MTUS2: variants seen among roughly 807,000 people sequenced by gnomAD.
The protein encoded by MTUS2 is microtubule-associated tumor suppressor candidate 2.
In MTUS2, 40 loss-of-function variants were observed where a neutral mutation model predicts 114.1. The ratio of observed to expected loss-of-function variants is 0.35; its 90% CI spans 0.27 to 0.46. The LOEUF (loss-of-function observed/expected upper bound fraction) is 0.46, where lower values mean the gene tolerates loss of function less well. Ranked by LOEUF, MTUS2 falls within the 20% of genes least tolerant of loss-of-function variation. MTUS2 has a pLI of 1.00. For synonymous variants in MTUS2, 688 were observed against 672.0 expected, an observed-to-expected ratio of 1.02 and a Z score of -0.37; for missense variants, 1,679 against 1,705.4, an observed-to-expected ratio of 0.98 and a Z score of 0.27.
At chr13:29,209,537 T>C (rs1236863645) in intron 5 of MTUS2, among the ~76,000 whole-genome samples, 1 of 152,120 alleles carries the variant, frequency 6.6e-6, no homozygotes, top group African/African-American at 2.4e-5. Flanking sequence ...CTGTGAGTTT[T>C]ATGCTTTAAG....
intron 5 of MTUS2, among the ~76,000 whole-genome samples, chr13:29,127,539 G>T (rs1033511945): frequency 1.1e-4 from 17 of 152,152 alleles, no homozygotes; most frequent in Admixed American, 1.0e-3. Flanking sequence ...CCTCAAGACT[G>T]CAACATCAGC....
chr13:29,056,797 C>T (rs1474755888), intron 4 of MTUS2, among the ~76,000 whole-genome samples: 2 of 151,964 alleles, frequency 1.3e-5, no homozygotes, highest in South Asian at 2.1e-4. Context: ...ATGTTTTACA[C>T]ATCTCAGTTT....
intron 2 of MTUS2, among the ~76,000 whole-genome samples, chr13:28,841,356 G>C (rs1261577402): frequency 1.3e-5 from 2 of 152,204 alleles, no homozygotes; most frequent in African/African-American, 4.8e-5. Flanking sequence ...AAAAGTCATA[G>C]GGTAAGTAGG....
intron 5 of MTUS2, among the ~76,000 whole-genome samples, chr13:29,192,704 A>G (rs925411983): frequency 2.0e-5 from 3 of 152,230 alleles, no homozygotes; most frequent in Non-Finnish European, 4.4e-5. Flanking sequence ...AAAAAAACTT[A>G]TGATTCGCCT....
chr13:29,158,333 C>T (rs1338072279), intron 5 of MTUS2, among the ~76,000 whole-genome samples: 1 of 125,618 alleles, frequency 8.0e-6, no homozygotes, highest in East Asian at 2.7e-4. Flanking sequence ...CCCCGCCCCC[C>T]ACCCCCCAAC....
intron 5 of MTUS2, among the ~76,000 whole-genome samples, chr13:29,111,817 G>C (rs9634353): frequency 0.31 from 46,486 of 151,954 alleles, 7,359 homozygotes; most frequent in East Asian, 0.56. Flanking sequence ...GGTTATGTCA[G>C]AGGGTTTTTT....
chr13:28,981,805 C>A (rs536535332), intron 2 of MTUS2, among the ~76,000 whole-genome samples: 1 of 152,270 alleles, frequency 6.6e-6, no homozygotes, highest in Non-Finnish European at 1.5e-5. Flanking sequence ...CTTCATCTGG[C>A]CTGTTTTAGG....
At chr13:29,438,804 A>G (rs911704710) in intron 8 of MTUS2, among the ~76,000 whole-genome samples, 2 of 152,200 alleles carry the variant, frequency 1.3e-5, no homozygotes, top group African/African-American at 4.8e-5. Context: ...GTATTATGAA[A>G]TAGAGTTTTA....
chr13:28,911,194 T>C lies in MTUS2; in HGVS notation c.-243+71344T>C, dbSNP rs1360185692. Among the ~76,000 whole-genome samples the C allele has an allele frequency of 3.6e-5, 4 of 111,872 alleles. No homozygotes were observed. In the Admixed American group the frequency reaches 3.8e-4, roughly 11 times the overall value. 73.4% of individuals were successfully genotyped at this position (111,872 alleles called of 152,430 possible). ...CCTGCTTTTTTTTTTTTTTTTTTTT[T>C]CAGATGGAGTCCTGCTCTGTCACCA... is the stretch of plus-strand genomic sequence containing the variant. On this transcript the variant is annotated intron_variant, in intron 2 of 15. Coordinates refer to ENST00000612955, the MANE Select transcript of MTUS2 (RefSeq NM_001033602.4).
intron 2 of MTUS2, among the ~76,000 whole-genome samples, chr13:29,019,404 G>A (rs529286104): frequency 6.6e-6 from 1 of 152,314 alleles, no homozygotes; most frequent in African/African-American, 2.4e-5. Context: ...GAATGATAAT[G>A]TAGAAGGAAC....
At chr13:28,929,095 A>G (rs1881479817) in intron 2 of MTUS2, among the ~76,000 whole-genome samples, 1 of 151,838 alleles carries the variant, frequency 6.6e-6, no homozygotes, top group South Asian at 2.1e-4. Flanking sequence ...TCTCCCTCAT[A>G]CGTCAAAACC....
At chr13:29,087,463 G>A (rs1222246697) in intron 4 of MTUS2, among the ~76,000 whole-genome samples, 1 of 152,136 alleles carries the variant, frequency 6.6e-6, no homozygotes, top group Non-Finnish European at 1.5e-5. Context: ...ACTTGATTGT[G>A]GTGGATTAGC....
chr13:29,206,034 A>G (rs867978660), intron 5 of MTUS2, among the ~76,000 whole-genome samples: 1 of 152,310 alleles, frequency 6.6e-6, no homozygotes, highest in African/African-American at 2.4e-5. Flanking sequence ...TCAGCAATAT[A>G]CAAGTGTTCC....
intron 5 of MTUS2, among the ~76,000 whole-genome samples, chr13:29,245,192 CA>C (rs752183006): frequency 1.3e-5 from 2 of 151,978 alleles, no homozygotes; most frequent in Admixed American, 6.6e-5. Context: ...AGATGTTAAG[CA>C]ATGAGACTCA....
chr13:29,405,169 T>G (rs1469334122), intron 8 of MTUS2, among the ~76,000 whole-genome samples: 1 of 152,240 alleles, frequency 6.6e-6, no homozygotes, highest in East Asian at 1.9e-4. Flanking sequence ...CCTGTTCTTC[T>G]TGACACTGAG....
At chr13:29,032,082 T>A (rs924916865) in intron 3 of MTUS2, among the ~76,000 whole-genome samples, 2 of 152,148 alleles carry the variant, frequency 1.3e-5, no homozygotes, top group Non-Finnish European at 2.9e-5. Context: ...CTGTGCAGCA[T>A]CACCTGCTGT....
intron 5 of MTUS2, among the ~76,000 whole-genome samples, chr13:29,137,215 C>A (rs984490837): frequency 1.3e-5 from 2 of 152,154 alleles, no homozygotes; most frequent in Non-Finnish European, 2.9e-5. Context: ...GATGTGAAAT[C>A]TGCTGATAAT....
At chr13:29,396,322 A>C (rs149720806) in intron 8 of MTUS2, among the ~76,000 whole-genome samples, 237 of 152,286 alleles carry the variant, frequency 1.6e-3, no homozygotes, top group African/African-American at 5.4e-3. Flanking sequence ...CTGGCATTTA[A>C]ATATGTAGAG....
At chr13:28,952,393 C>T (rs79241391) in intron 2 of MTUS2, among the ~76,000 whole-genome samples, 1 of 152,276 alleles carries the variant, frequency 6.6e-6, no homozygotes, top group East Asian at 1.9e-4. Context: ...CTGCAATTTG[C>T]GTTTTCAGTT....
Sources: allele counts gnomAD v4.1 joint callset (sites outside exome capture counted in the v4.1 genomes callset), GRCh38; gene constraint gnomAD v4.1.1; transcripts MANE v1.5; gene names NCBI Gene and HGNC (gene_info 2026-07-23, HGNC 2026-07-21).